Variants in ROBO2 observed in about 807,000 individuals in gnomAD.
ROBO2 encodes roundabout homolog 2.
In ROBO2, 53 loss-of-function variants were observed where a neutral mutation model predicts 160.8. The ratio of observed to expected loss-of-function variants is 0.33; its 90% CI spans 0.26 to 0.41. ROBO2 has a LOEUF of 0.41. ROBO2 is among the 10% of genes least tolerant of loss of function. The pLI is 1.00. For synonymous variants in ROBO2, 664 were observed against 611.7 expected (o/e 1.09, Z -1.26); for missense variants, 1,577 against 1,722.4 (o/e 0.92, Z 1.49).
At chr3:76,651,029 C>T (rs13088656) in intron 2 of ROBO2, among the ~76,000 whole-genome samples, 26,420 of 152,058 alleles carry the variant, frequency 0.17, 2,451 homozygotes, top group Non-Finnish European at 0.2. Flanking sequence ...AGAAGCCTTA[C>T]TTTACTTGCA....
intron 2 of ROBO2, among the ~76,000 whole-genome samples, chr3:76,877,753 G>A (rs1263189173): frequency 2.6e-5 from 4 of 152,180 alleles, no homozygotes; most frequent in East Asian, 3.9e-4. Context: ...TACTGGAGGC[G>A]CATAGCTCAA....
intron 6 of ROBO2, among the ~76,000 whole-genome samples, chr3:77,536,926 A>T (rs1190248975): frequency 6.6e-6 from 1 of 152,132 alleles, no homozygotes; most frequent in Non-Finnish European, 1.5e-5. Context: ...AAAATGCAAG[A>T]CATTTTGAAC....
chr3:77,466,883 G>A (rs1298743368), intron 2 of ROBO2, among the ~76,000 whole-genome samples: 1 of 152,142 alleles, frequency 6.6e-6, no homozygotes, highest in Admixed American at 6.5e-5. Context: ...CAGTTACTTG[G>A]CATTGTAATT....
chr3:77,183,792 C>T (rs1165072453), intron 2 of ROBO2, among the ~76,000 whole-genome samples: 2 of 152,024 alleles, frequency 1.3e-5, no homozygotes, highest in Admixed American at 6.6e-5. Context: ...GAACATCATA[C>T]AGATTACTGT....
intron 1 of ROBO2, 40 bp downstream of exon 1, chr3:77,040,886 C>T (rs576327811): frequency 1.9e-6 from 3 of 1,587,386 alleles, no homozygotes; most frequent in Non-Finnish European, 2.6e-6. Context: ...GCGCCCCCCA[C>T]CCCCCAATCC....
chr3:77,454,374 T>C (rs1005172676), intron 2 of ROBO2, among the ~76,000 whole-genome samples: 3 of 152,176 alleles, frequency 2.0e-5, no homozygotes, highest in East Asian at 3.9e-4. Flanking sequence ...TCCACTGTCG[T>C]AGTCATATAG....
chr3:77,367,203 G>T (rs2071030057), intron 2 of ROBO2, among the ~76,000 whole-genome samples: 1 of 152,082 alleles, frequency 6.6e-6, no homozygotes, highest in African/African-American at 2.4e-5. Flanking sequence ...ATATTTTTAT[G>T]TGAATATATA....
intron 2 of ROBO2, among the ~76,000 whole-genome samples, chr3:77,373,998 C>A: frequency 6.6e-6 from 1 of 150,924 alleles, no homozygotes; most frequent in East Asian, 2.0e-4. Context: ...GGTGAAACCC[C>A]ATCACTACTA....
At chr3:76,443,861 G>A (rs1577226696) in intron 2 of ROBO2, among the ~76,000 whole-genome samples, 1 of 152,132 alleles carries the variant, frequency 6.6e-6, no homozygotes, top group South Asian at 2.1e-4. Flanking sequence ...TTCTGGAAAA[G>A]TTACACATAA....
chr3:76,579,801 A>AAAAG (rs1340833775), intron 2 of ROBO2, among the ~76,000 whole-genome samples: 1 of 151,212 alleles, frequency 6.6e-6, no homozygotes, highest in African/African-American at 2.4e-5. Context: ...AAAAAAAAAA[A>AAAAG]AAAGAAAGAA....
intron 1 of ROBO2, among the ~76,000 whole-genome samples, chr3:75,928,758 A>G (rs1947392132): frequency 6.6e-6 from 1 of 152,134 alleles, no homozygotes; most frequent in East Asian, 1.9e-4. Context: ...TGAGATCTGC[A>G]GCTGGTTAAG....
At chr3:76,402,020 G>T (rs1315864071) in intron 2 of ROBO2, among the ~76,000 whole-genome samples, 1 of 151,470 alleles carries the variant, frequency 6.6e-6, no homozygotes, top group Non-Finnish European at 1.5e-5. Context: ...AGACGTGAAT[G>T]CTTGAACAAA....
At chr3:77,307,965 A>G (rs1327176651) in intron 2 of ROBO2, among the ~76,000 whole-genome samples, 1 of 151,356 alleles carries the variant, frequency 6.6e-6, no homozygotes, top group Non-Finnish European at 1.5e-5. Context: ...TCAAAAAAAG[A>G]AAAAAAAAGT....
At chr3:76,915,127 TTTTG>T in intron 2 of ROBO2, among the ~76,000 whole-genome samples, 1 of 152,342 alleles carries the variant, frequency 6.6e-6, no homozygotes, top group Non-Finnish European at 1.5e-5. Flanking sequence ...GCTGCCTTAT[TTTTG>T]TTTATTTCTT....
chr3:76,849,000 T>C (rs2069057971), intron 2 of ROBO2, among the ~76,000 whole-genome samples: 1 of 152,206 alleles, frequency 6.6e-6, no homozygotes, highest in Admixed American at 6.5e-5. Context: ...AGAAAAGTTA[T>C]AAAAAGTTTT....
At chr3:76,924,641 G>A (rs937011575) in intron 2 of ROBO2, among the ~76,000 whole-genome samples, 2 of 152,096 alleles carry the variant, frequency 1.3e-5, no homozygotes, top group Non-Finnish European at 2.9e-5. Context: ...AATTTTTATA[G>A]GCTCTCCCAG....
At chr3:76,115,325 C>G (rs149833671) in intron 2 of ROBO2, among the ~76,000 whole-genome samples, 1 of 152,118 alleles carries the variant, frequency 6.6e-6, no homozygotes, top group Non-Finnish European at 1.5e-5. Flanking sequence ...CAATCAGATC[C>G]ACTTTGCGTA....
chr3:77,427,402 A>G (rs1481356686), intron 2 of ROBO2, among the ~76,000 whole-genome samples: 1 of 152,240 alleles, frequency 6.6e-6, no homozygotes, highest in African/African-American at 2.4e-5. Context: ...TCTCTATTTT[A>G]TAACTGAAGA....
chr3:76,914,798 A>C (rs1380370304), intron 2 of ROBO2, among the ~76,000 whole-genome samples: 1 of 152,190 alleles, frequency 6.6e-6, no homozygotes, highest in Non-Finnish European at 1.5e-5. Flanking sequence ...ACAAGCTGAC[A>C]GGAGCACATG....
Sources: allele counts gnomAD v4.1 joint callset (sites outside exome capture counted in the v4.1 genomes callset), GRCh38; gene constraint gnomAD v4.1.1; transcripts MANE v1.5; gene names NCBI Gene and HGNC (gene_info 2026-07-23, HGNC 2026-07-21).